The following EGFLAM variants were observed in gnomAD, a reference collection of about 807,000 sequenced individuals.
EGFLAM encodes EGF like, fibronectin type III and laminin G domains.
In EGFLAM, 79 loss-of-function variants were observed where a neutral mutation model predicts 113.1. The ratio of observed to expected loss-of-function variants is 0.70; its 90% CI spans 0.58 to 0.84. The LOEUF (loss-of-function observed/expected upper bound fraction) is 0.84. Among genes scored for constraint, EGFLAM ranks in the 40% least tolerant of loss-of-function variants. The probability of loss-of-function intolerance (pLI) is 0.00; values close to 1 mark genes in which losing one functional copy is unlikely to be tolerated. For synonymous variants in EGFLAM, 504 were observed against 487.6 expected, an observed-to-expected ratio of 1.03 and a Z score of -0.44; for missense variants, 1,265 against 1,291.6, an observed-to-expected ratio of 0.98 and a Z score of 0.32.
rs779458784 is a variant in EGFLAM at position 38,337,622 on chromosome 5, G to A, written c.200G>A (p.Gly67Glu). 1 of 1,597,834 alleles carries A rather than the reference G, an allele frequency of 6.3e-7. No homozygotes were observed. Among genetic ancestry groups the A allele is most frequent in the South Asian group, 1.1e-5 (1 of 88,558 alleles). ...MPRHPGSPIL[G>E]YTVFYSEVGA... ...AGGCATCCTGGAAGTCCCATCCTTG[G>A]GTACACTGTGAGTACACGGGCATGG... Residue 67 changes from glycine (G) to glutamate (E), a missense_variant, in exon 2 of 22, where the codon GGG becomes GAG. By Grantham distance (98) the Gly-to-Glu change is moderately conservative. Coordinates refer to ENST00000322350, the MANE Select transcript of EGFLAM (RefSeq NM_152403.4).
chr5:38,452,593 T>C (rs1742956688), intron 19 of EGFLAM, among the ~76,000 whole-genome samples: 1 of 152,142 alleles, frequency 6.6e-6, no homozygotes, highest in Non-Finnish European at 1.5e-5. Flanking sequence ...ACTCAGCAGC[T>C]CAGGGAGGTC....
At chr5:38,351,530 T>C (rs1579808017) in intron 4 of EGFLAM, among the ~76,000 whole-genome samples, 1 of 152,232 alleles carries the variant, frequency 6.6e-6, no homozygotes, top group East Asian at 1.9e-4. Context: ...AAAAAATGCA[T>C]AGGATTTTGC....
At chr5:38,288,886 T>C (rs1406929403) in intron 1 of EGFLAM, among the ~76,000 whole-genome samples, 5 of 151,986 alleles carry the variant, frequency 3.3e-5, no homozygotes, top group Non-Finnish European at 7.4e-5. Flanking sequence ...GGGAAAGCAC[T>C]GTGTTATAAG....
intron 5 of EGFLAM, among the ~76,000 whole-genome samples, chr5:38,353,781 T>C (rs1739689553): frequency 6.6e-6 from 1 of 152,212 alleles, no homozygotes. Context: ...CTCTCTGTTT[T>C]AGTGGCTTCA....
rs928342394 is a variant in EGFLAM at position 38,431,219 on chromosome 5, T to C, written c.2097T>C (p.Arg699=). 12 of 1,614,076 alleles carry C rather than the reference T, an allele frequency of 7.4e-6. No homozygotes were observed. Among genetic ancestry groups the C allele is most frequent in the Non-Finnish European group, 1.0e-5 (12 of 1,180,028 alleles). The change falls in exon 15 of 22, where the codon CGT becomes CGC. Residue 699 remains arginine (R), a synonymous_variant. Coordinates refer to ENST00000322350, the MANE Select transcript of EGFLAM (RefSeq NM_152403.4). ...PLTLGNWHEL[R]VSRTAKNGIL... ...CCCTGGGCAACTGGCACGAGCTTCG[T>C]GTATCTCGCACAGCAAAGAATGGAA...
At chr5:38,409,746 T>G (rs768389986) in intron 10 of EGFLAM, among the ~76,000 whole-genome samples, 13 of 152,194 alleles carry the variant, frequency 8.5e-5, no homozygotes, top group Non-Finnish European at 1.5e-4. Context: ...TCCTATGGGC[T>G]TACCATCCTC....
intron 1 of EGFLAM, among the ~76,000 whole-genome samples, chr5:38,327,032 A>T (rs1487511298): frequency 6.6e-6 from 1 of 151,004 alleles, no homozygotes; most frequent in Non-Finnish European, 1.5e-5. Flanking sequence ...CCCTGACCTC[A>T]GGTGATCCAC....
chr5:38,276,696 G>C (rs913288829), intron 1 of EGFLAM, among the ~76,000 whole-genome samples: 2 of 151,746 alleles, frequency 1.3e-5, no homozygotes, highest in Non-Finnish European at 2.9e-5. Context: ...AGAAAAAAAA[G>C]AGAAGAGTAA....
intron 3 of EGFLAM, among the ~76,000 whole-genome samples, chr5:38,341,306 A>G (rs557222360): frequency 3.9e-5 from 6 of 152,350 alleles, no homozygotes; most frequent in Middle Eastern, 3.4e-3. Flanking sequence ...CAGGAGACGT[A>G]CAACCATGGC....
At chr5:38,447,832 A>G (rs1394563950) in intron 17 of EGFLAM, among the ~76,000 whole-genome samples, 5 of 152,082 alleles carry the variant, frequency 3.3e-5, no homozygotes, top group Non-Finnish European at 5.9e-5. Context: ...AGCCTCATTC[A>G]TAGTGCTTTA....
intron 17 of EGFLAM, 71 bp downstream of exon 17, chr5:38,438,526 C>G (rs1156835832): frequency 1.4e-6 from 2 of 1,409,434 alleles, no homozygotes; most frequent in South Asian, 1.7e-5. Context: ...TGGGGGACCA[C>G]AACTCTTAAT....
At chr5:38,371,619 C>T (rs1740215027) in intron 6 of EGFLAM, among the ~76,000 whole-genome samples, 1 of 149,162 alleles carries the variant, frequency 6.7e-6, no homozygotes, top group African/African-American at 2.4e-5. Context: ...TGCGCACACA[C>T]ACATACACAC....
intron 1 of EGFLAM, among the ~76,000 whole-genome samples, chr5:38,290,143 G>A (rs1170987915): frequency 6.6e-6 from 1 of 152,148 alleles, no homozygotes; most frequent in Non-Finnish European, 1.5e-5. Context: ...AAGGGTCGGG[G>A]TAGAGGGTCA....
intron 1 of EGFLAM, among the ~76,000 whole-genome samples, chr5:38,317,169 A>C (rs1738621290): frequency 6.6e-6 from 1 of 152,208 alleles, no homozygotes; most frequent in Non-Finnish European, 1.5e-5. Context: ...CATTTGAAAA[A>C]TGGATTTACT....
chr5:38,350,462 T>C (rs1041514988), intron 3 of EGFLAM, 39 bp from the exon 4 acceptor site: 11 of 1,587,980 alleles, frequency 6.9e-6, no homozygotes, highest in Non-Finnish European at 9.5e-6. Context: ...CAAACAGATG[T>C]ACTGATTGTT....
intron 1 of EGFLAM, among the ~76,000 whole-genome samples, chr5:38,268,171 A>G (rs1408997909): frequency 6.6e-6 from 1 of 152,128 alleles, no homozygotes; most frequent in Non-Finnish European, 1.5e-5. Flanking sequence ...TAATTAGGGT[A>G]ATTAGCATTA....
rs530366938 is a variant in EGFLAM at position 38,427,824 on chromosome 5, G to A, written c.2054+572G>A. 2.6e-5 allele frequency among the ~76,000 whole-genome samples: 4 copies of A among 152,294 alleles called. No individual in the cohort carries two copies. The East Asian group carries it at 7.7e-4, about 29-fold the overall frequency. On this transcript the variant is annotated intron_variant, in intron 14 of 21. Transcript: ENST00000322350. Reference sequence around the variant, plus strand: ...TGCTCAAGAAAGATGTGTGATGAGTGGTTTCAATAGCATAGCAGGAAATGG... The same window carrying A: ...TGCTCAAGAAAGATGTGTGATGAGTAGTTTCAATAGCATAGCAGGAAATGG...
At chr5:38,320,896 A>G (rs1053498165) in intron 1 of EGFLAM, among the ~76,000 whole-genome samples, 1 of 152,126 alleles carries the variant, frequency 6.6e-6, no homozygotes, top group Non-Finnish European at 1.5e-5. Context: ...AGGAACTCCT[A>G]GTAAGGACTG....
At chr5:38,261,033 C>A (rs938054699) in intron 1 of EGFLAM, among the ~76,000 whole-genome samples, 8 of 152,152 alleles carry the variant, frequency 5.3e-5, no homozygotes, top group African/African-American at 1.7e-4. Context: ...CATACTGGAG[C>A]GGTTCTGTCT....
Sources: allele counts gnomAD v4.1 joint callset (sites outside exome capture counted in the v4.1 genomes callset), GRCh38; gene constraint gnomAD v4.1.1; transcripts MANE v1.5; gene names NCBI Gene and HGNC (gene_info 2026-07-23, HGNC 2026-07-21).